Variants in CNTN4 observed in about 807,000 individuals in gnomAD.
CNTN4 encodes the protein contactin 4, also known as contactin-4.
A neutral mutation model predicts 122.5 loss-of-function variants in CNTN4; 77 were observed. The ratio of observed to expected loss-of-function variants is 0.63; its 90% CI spans 0.52 to 0.76. The LOEUF (loss-of-function observed/expected upper bound fraction) is 0.76, where lower values mean the gene tolerates loss of function less well. CNTN4 is among the 30% of genes least tolerant of loss of function. The pLI is 0.00. For missense variants in CNTN4, 1,256 were observed against 1,259.1 expected (o/e 1.00, Z 0.04); for synonymous variants, 512 against 447.0 (o/e 1.15, Z -1.83).
intron 14 of CNTN4, among the ~76,000 whole-genome samples, chr3:3,001,867 A>T (rs989497376): frequency 6.6e-6 from 1 of 152,288 alleles, no homozygotes; most frequent in South Asian, 2.1e-4. Flanking sequence ...TCTGCATTTC[A>T]CTCCCATATC....
intron 6 of CNTN4, among the ~76,000 whole-genome samples, chr3:2,747,226 G>A (rs1182068722): frequency 2.6e-5 from 4 of 151,896 alleles, no homozygotes; most frequent in South Asian, 2.1e-4. Context: ...TGGCTAACAC[G>A]ATGAAACCGC....
rs73804527 is a variant in CNTN4 at position 2,414,461 on chromosome 3, A to G, written c.-89+75228A>G. Among the ~76,000 whole-genome samples the G allele has an allele frequency of 5.2e-3, 785 of 152,330 alleles. 3 individuals are homozygous for G. Among genetic ancestry groups the G allele is most frequent in the African/African-American group, 0.017 (720 of 41,564 alleles). ...TGGCATATGTATGCATTAAATAAAT[A>G]TGTAAAATGACTCTCAATAAAATGT... On this transcript the variant is annotated intron_variant, in intron 3 of 24. Coordinates refer to ENST00000418658, the MANE Select transcript of CNTN4 (RefSeq NM_175607.3).
At chr3:2,202,574 G>A (rs569326200) in intron 2 of CNTN4, among the ~76,000 whole-genome samples, 2 of 152,240 alleles carry the variant, frequency 1.3e-5, no homozygotes, top group South Asian at 4.1e-4. Flanking sequence ...TTCTTTTACA[G>A]CCAGTGTTTG....
intron 13 of CNTN4, among the ~76,000 whole-genome samples, chr3:2,955,521 G>T (rs1433987611): frequency 1.3e-5 from 2 of 152,160 alleles, no homozygotes; most frequent in Admixed American, 6.5e-5. Flanking sequence ...GAAGGACAGA[G>T]TGAGAATCAT....
intron 3 of CNTN4, among the ~76,000 whole-genome samples, chr3:2,503,419 G>A (rs549280770): frequency 1.3e-5 from 2 of 152,246 alleles, no homozygotes; most frequent in African/African-American, 2.4e-5. Context: ...GGGAAGTATC[G>A]TCTTCATCTT....
At position 2,280,547 on chromosome 3, in the gene CNTN4, C is replaced by G. The variant is rs898808631; in HGVS notation, c.-144-58631C>G. ...CACTAAAAATTGAAATGCAGACAGTCCAATTTCAGAAACCATGCTCTTGAC... is the reference window on the plus strand; with the variant it reads ...CACTAAAAATTGAAATGCAGACAGTGCAATTTCAGAAACCATGCTCTTGAC... On this transcript the variant is annotated intron_variant, in intron 2 of 24. Transcript: ENST00000418658. 2.6e-5 allele frequency among the ~76,000 whole-genome samples: 4 copies of G among 152,212 alleles called. No individual in the cohort carries two copies. In the South Asian group the frequency reaches 6.2e-4, roughly 24 times the overall value.
intron 16 of CNTN4, among the ~76,000 whole-genome samples, chr3:3,033,096 C>T (rs1382573103): frequency 6.6e-6 from 1 of 152,056 alleles, no homozygotes; most frequent in Non-Finnish European, 1.5e-5. Context: ...AAACACTTTT[C>T]TATTTGTGGT....
intron 4 of CNTN4, among the ~76,000 whole-genome samples, chr3:2,611,734 T>G (rs2081499632): frequency 6.6e-6 from 1 of 152,062 alleles, no homozygotes; most frequent in African/African-American, 2.4e-5. Flanking sequence ...AACAACAAAT[T>G]TTAAAGAAGC....
chr3:2,189,998 C>T (rs955432880), intron 2 of CNTN4, among the ~76,000 whole-genome samples: 1 of 152,116 alleles, frequency 6.6e-6, no homozygotes, highest in Non-Finnish European at 1.5e-5. Context: ...TGATGATGAA[C>T]AAGTGCTGTG....
intron 3 of CNTN4, among the ~76,000 whole-genome samples, chr3:2,366,493 C>T (rs984474825): frequency 1.3e-4 from 20 of 151,930 alleles, no homozygotes; most frequent in Admixed American, 1.3e-4. Flanking sequence ...TTTGGGAGGC[C>T]GAGGTGGGCG....
chr3:2,444,539 A>G (rs2048551516), intron 3 of CNTN4, among the ~76,000 whole-genome samples: 1 of 152,212 alleles, frequency 6.6e-6, no homozygotes, highest in South Asian at 2.1e-4. Context: ...AGTGGCAGAA[A>G]TGGCGAGTGT....
intron 4 of CNTN4, among the ~76,000 whole-genome samples, chr3:2,573,703 C>G (rs1289140103): frequency 6.6e-6 from 1 of 152,084 alleles, no homozygotes; most frequent in Non-Finnish European, 1.5e-5. Context: ...GTGTGTGTAA[C>G]TGTATCTATT....
chr3:2,369,173 TCAA>T (rs1395014968), intron 3 of CNTN4, among the ~76,000 whole-genome samples: 33 of 152,254 alleles, frequency 2.2e-4, no homozygotes, highest in African/African-American at 7.9e-4. Flanking sequence ...TCTGCTCACC[TCAA>T]CCTCCCAAAG....
chr3:2,690,968 A>G (rs1393973488), intron 4 of CNTN4, among the ~76,000 whole-genome samples: 2 of 152,196 alleles, frequency 1.3e-5, no homozygotes, highest in Non-Finnish European at 2.9e-5. Context: ...AGAGCCCGTC[A>G]ATGCCCTAGC....
At chr3:2,963,689 A>T (rs2094884322) in intron 13 of CNTN4, among the ~76,000 whole-genome samples, 1 of 152,204 alleles carries the variant, frequency 6.6e-6, no homozygotes, top group Non-Finnish European at 1.5e-5. Flanking sequence ...ACACACCAAA[A>T]GTCCATTTCT....
intron 14 of CNTN4, among the ~76,000 whole-genome samples, chr3:3,001,029 TTAATC>T (rs1695987721): frequency 6.6e-6 from 1 of 152,148 alleles, no homozygotes; most frequent in African/African-American, 2.4e-5. Context: ...CGTTTTCTAT[TTAATC>T]ATATGTTGGG....
chr3:2,296,743 A>G (rs925905322), intron 2 of CNTN4, among the ~76,000 whole-genome samples: 3 of 151,712 alleles, frequency 2.0e-5, no homozygotes, highest in African/African-American at 4.8e-5. Flanking sequence ...GACATGTACT[A>G]TATGCAACAG....
chr3:2,785,109 A>G (rs954063088), intron 6 of CNTN4, among the ~76,000 whole-genome samples: 3 of 138,894 alleles, frequency 2.2e-5, no homozygotes, highest in South Asian at 2.3e-4. Context: ...ACATTTGTAC[A>G]TGCGTACACA....
rs1232374315 is a variant in CNTN4 at position 3,057,455 on chromosome 3, A to G, written c.*1235A>G. ...AAAATGACAATATCAACAAAACTGT[A>G]TTCTTATGAAAAGAACTATTTGTTA... On this transcript the variant is annotated 3_prime_UTR_variant, in exon 25 of 25. Coordinates refer to ENST00000418658, the MANE Select transcript of CNTN4 (RefSeq NM_175607.3). 6.6e-6 allele frequency: 1 copy of G among 152,664 alleles called. No homozygotes were observed. Among genetic ancestry groups the G allele is most frequent in the Non-Finnish European group, 1.5e-5 (1 of 68,040 alleles). 9.5% of individuals were successfully genotyped at this position (152,664 alleles called of 1,614,324 possible).
Sources: allele counts gnomAD v4.1 joint callset (sites outside exome capture counted in the v4.1 genomes callset), GRCh38; gene constraint gnomAD v4.1.1; transcripts MANE v1.5; gene names NCBI Gene and HGNC (gene_info 2026-07-23, HGNC 2026-07-21).